MAP4K4: variants seen among roughly 807,000 people sequenced by gnomAD.
MAP4K4 encodes HPK/GCK-like kinase HGK.
A neutral mutation model predicts 189.6 loss-of-function variants in MAP4K4; 38 were observed. The ratio of observed to expected loss-of-function variants is 0.20; its 90% confidence interval spans 0.15 to 0.26. MAP4K4 has a LOEUF of 0.26. MAP4K4 is among the 10% of genes least tolerant of loss of function. The probability of loss-of-function intolerance (pLI) is 1.00; values close to 1 mark genes in which losing one functional copy is unlikely to be tolerated. For synonymous variants in MAP4K4, 610 were observed against 624.3 expected, an observed-to-expected ratio of 0.98 and a Z score of 0.34; for missense variants, 1,054 against 1,726.9, an observed-to-expected ratio of 0.61 and a Z score of 6.91.
At chr2:101,846,310 G>A (rs1427848584) in intron 12 of MAP4K4, among the ~76,000 whole-genome samples, 2 of 152,180 alleles carry the variant, frequency 1.3e-5, no homozygotes, top group East Asian at 1.9e-4. Context: ...CTTGAGTTTT[G>A]AGACTCTGGC....
intron 3 of MAP4K4, among the ~76,000 whole-genome samples, chr2:101,798,790 C>T (rs4851494): frequency 0.12 from 18,103 of 152,196 alleles, 3,200 homozygotes; most frequent in African/African-American, 0.39. Flanking sequence ...ATACACACTA[C>T]TGGTTTCATT....
intron 9 of MAP4K4, 74 bp from the exon 10 acceptor site, chr2:101,839,745 G>T: frequency 1.8e-6 from 2 of 1,133,070 alleles, no homozygotes; most frequent in East Asian, 2.5e-5. Flanking sequence ...TTATGTTGAG[G>T]CTTGTAAGTT....
At chr2:101,846,210 CTT>C (rs2097105091) in intron 12 of MAP4K4, among the ~76,000 whole-genome samples, 1 of 152,176 alleles carries the variant, frequency 6.6e-6, no homozygotes, top group African/African-American at 2.4e-5. Context: ...TGTTAAGACT[CTT>C]TTCAGTGTTC....
intron 18 of MAP4K4, 94 bp downstream of exon 18, chr2:101,865,130 G>A (rs1466967381): frequency 2.2e-5 from 16 of 722,856 alleles, no homozygotes; most frequent in South Asian, 7.9e-5. Flanking sequence ...AAACACAGAC[G>A]TTCTGGGGCT....
At chr2:101,798,398 C>G (rs973027924) in intron 3 of MAP4K4, among the ~76,000 whole-genome samples, 1 of 152,186 alleles carries the variant, frequency 6.6e-6, no homozygotes, top group Non-Finnish European at 1.5e-5. Flanking sequence ...TACGAAAATT[C>G]TCTCTTGCTG....
intron 16 of MAP4K4, among the ~76,000 whole-genome samples, chr2:101,862,671 G>A (rs2097702139): frequency 6.6e-6 from 1 of 152,036 alleles, no homozygotes; most frequent in Non-Finnish European, 1.5e-5. Context: ...TCATTCTTTG[G>A]GGGAGACTTT....
chr2:101,863,540 A>T (rs879886713), intron 16 of MAP4K4, among the ~76,000 whole-genome samples: 2 of 152,176 alleles, frequency 1.3e-5, no homozygotes, highest in Non-Finnish European at 2.9e-5. Flanking sequence ...GTGGGGAAAA[A>T]AAAAATAAAA....
At chr2:101,861,187 A>T (rs1187615501) in intron 16 of MAP4K4, 8 of 552,200 alleles carry the variant, frequency 1.4e-5, no homozygotes, top group Non-Finnish European at 2.2e-5. Context: ...ATTTCTATGT[A>T]CTCATTAAGA....
At chr2:101,876,933 C>G in intron 26 of MAP4K4, 70 bp from the exon 27 acceptor site, 1 of 1,500,670 alleles carries the variant, frequency 6.7e-7, no homozygotes, top group Non-Finnish European at 9.1e-7. Flanking sequence ...ATGATGTTAT[C>G]CTTTCTATAC....
intron 3 of MAP4K4, among the ~76,000 whole-genome samples, chr2:101,815,253 T>C (rs2095650342): frequency 6.6e-6 from 1 of 152,208 alleles, no homozygotes; most frequent in South Asian, 2.1e-4. Flanking sequence ...AGATGACCTG[T>C]ATGATAATGT....
chr2:101,775,844 C>T (rs1312010971), intron 2 of MAP4K4, among the ~76,000 whole-genome samples: 1 of 152,162 alleles, frequency 6.6e-6, no homozygotes, highest in Non-Finnish European at 1.5e-5. Flanking sequence ...GAAGGGGGAA[C>T]AGAGTCAGGG....
chr2:101,808,466 C>T (rs1414654076), intron 3 of MAP4K4, among the ~76,000 whole-genome samples: 12 of 151,820 alleles, frequency 7.9e-5, no homozygotes, highest in East Asian at 3.9e-4. Flanking sequence ...GCTTTTTGGC[C>T]CTTTGACTTT....
At chr2:101,867,696 T>C (rs1288946433) in intron 20 of MAP4K4, 1 of 392,034 alleles carries the variant, frequency 2.6e-6, no homozygotes, top group Non-Finnish European at 4.5e-6. Flanking sequence ...CTTTACTTAT[T>C]CTTCGTGAGT....
chr2:101,876,886 T>C, intron 26 of MAP4K4, 117 bp from the exon 27 acceptor site: 1 of 972,654 alleles, frequency 1.0e-6, no homozygotes, highest in Non-Finnish European at 1.5e-6. Context: ...TTTCTGCTTC[T>C]GGGTGAATTA....
chr2:101,788,190 G>C (rs1460931956), intron 2 of MAP4K4, among the ~76,000 whole-genome samples: 1 of 151,882 alleles, frequency 6.6e-6, no homozygotes, highest in Non-Finnish European at 1.5e-5. Context: ...AATTAGAAAT[G>C]GGCCTACATT....
chr2:101,796,464 C>T (rs1435901678), intron 3 of MAP4K4, among the ~76,000 whole-genome samples: 1 of 152,196 alleles, frequency 6.6e-6, no homozygotes, highest in East Asian at 1.9e-4. Flanking sequence ...ACTTCTTGCT[C>T]AGGAGTACAT....
chr2:101,871,556 C>T (rs2098024847), exon 24 of MAP4K4: 1 of 1,536,312 alleles, frequency 6.5e-7, no homozygotes, highest in East Asian at 2.4e-5. Flanking sequence ...GTCGCATTCA[C>T]CTCTTGCCAG....
chr2:101,826,956 G>A (rs2096388529), intron 5 of MAP4K4, among the ~76,000 whole-genome samples: 1 of 152,072 alleles, frequency 6.6e-6, no homozygotes, highest in African/African-American at 2.4e-5. Context: ...TTGCTTGTAT[G>A]TAATTCCAGT....
In MAP4K4 at chr2:101,720,902, G is replaced by T. The variant is rs921218587; in HGVS notation, c.123+22364G>T. Among the ~76,000 whole-genome samples the T allele has an allele frequency of 2.0e-5, 3 of 152,092 alleles. No individual in the cohort carries two copies. In the South Asian group the frequency reaches 6.2e-4, roughly 32 times the overall value. On this transcript the variant is annotated intron_variant, in intron 2 of 32. Coordinates refer to ENST00000324219, the Ensembl canonical transcript of MAP4K4. The stretch of plus-strand genomic sequence containing the variant: ...CATATTTTGCATTTTGTTGCATCAG[G>T]TCAGTCTTTAGAGAATAACATTTTT...
Sources: allele counts gnomAD v4.1 joint callset (sites outside exome capture counted in the v4.1 genomes callset), GRCh38; gene constraint gnomAD v4.1.1; transcripts MANE v1.5; gene names NCBI Gene and HGNC (gene_info 2026-07-23, HGNC 2026-07-21).